The following KAZN variants were observed in gnomAD, a reference collection of about 807,000 sequenced individuals.
KAZN encodes the protein kazrin, periplakin interacting protein, also known as kazrin.
KAZN carries 40 observed loss-of-function variants against 87.4 expected under a neutral mutation model. The observed-to-expected ratio is 0.46, with a 90% confidence interval of 0.36 to 0.60. The LOEUF is 0.60. Ranked by LOEUF, KAZN falls within the 20% of genes least tolerant of loss-of-function variation. KAZN has a pLI of 0.00. For missense variants in KAZN, 898 were observed against 1,073.9 expected (o/e 0.84, Z 2.29); for synonymous variants, 466 against 458.3 (o/e 1.02, Z -0.22).
At chr1:14,242,019 T>C (rs1369684509) in intron 2 of KAZN, among the ~76,000 whole-genome samples, 3 of 152,216 alleles carry the variant, frequency 2.0e-5, no homozygotes, top group Non-Finnish European at 4.4e-5. Context: ...ATTTGCCTAA[T>C]TGGACCCTGT....
intron 2 of KAZN, among the ~76,000 whole-genome samples, chr1:14,325,472 C>T (rs1222591364): frequency 3.9e-5 from 6 of 152,126 alleles, no homozygotes; most frequent in Admixed American, 6.6e-5. Context: ...CATCACTGGA[C>T]ACAGCTGATC....
At chr1:15,078,005 A>G (rs1639835280) in intron 8 of KAZN, among the ~76,000 whole-genome samples, 2 of 152,196 alleles carry the variant, frequency 1.3e-5, no homozygotes, top group Non-Finnish European at 2.9e-5. Flanking sequence ...AGGGCTGAGG[A>G]TGCAGATGTG....
At chr1:15,055,903 C>G (rs1467852974) in intron 4 of KAZN, among the ~76,000 whole-genome samples, 188 bp from the exon 5 acceptor site, 1 of 152,222 alleles carries the variant, frequency 6.6e-6, no homozygotes, top group African/African-American at 2.4e-5. Flanking sequence ...ATGGGGAGAA[C>G]AACAGTTCCT....
At chr1:14,907,642 C>T (rs1055482223) in intron 1 of KAZN, among the ~76,000 whole-genome samples, 2 of 152,028 alleles carry the variant, frequency 1.3e-5, no homozygotes, top group Non-Finnish European at 2.9e-5. Context: ...GAGCTGCTTC[C>T]GGAAAGAAGT....
At chr1:14,673,794 C>T (rs1640060261) in intron 1 of KAZN, among the ~76,000 whole-genome samples, 2 of 152,188 alleles carry the variant, frequency 1.3e-5, no homozygotes, top group Admixed American at 6.5e-5. Flanking sequence ...CCTCCGTGTG[C>T]TTTCTCTTCC....
chr1:14,480,233 T>C (rs1668994760), intron 2 of KAZN, among the ~76,000 whole-genome samples: 1 of 152,250 alleles, frequency 6.6e-6, no homozygotes, highest in East Asian at 1.9e-4. Flanking sequence ...ACCTGTACTC[T>C]TGTAATCTGC....
intron 2 of KAZN, among the ~76,000 whole-genome samples, chr1:14,249,161 A>T (rs1649781039): frequency 6.6e-6 from 1 of 152,328 alleles, no homozygotes; most frequent in Middle Eastern, 3.4e-3. Flanking sequence ...GACCGACAGG[A>T]TCCATGAGCA....
At chr1:14,972,743 G>A (rs1232960191) in intron 2 of KAZN, among the ~76,000 whole-genome samples, 1 of 151,876 alleles carries the variant, frequency 6.6e-6, no homozygotes, top group African/African-American at 2.4e-5. Flanking sequence ...TCGAACTCCT[G>A]ACCTCAAGTG....
chr1:14,156,733 G>T (rs1645601180), intron 1 of KAZN, among the ~76,000 whole-genome samples: 1 of 152,080 alleles, frequency 6.6e-6, no homozygotes, highest in Non-Finnish European at 1.5e-5. Flanking sequence ...TGTCTTCATA[G>T]GTGAAGCATG....
At chr1:13,924,988 C>T (rs1261857798) in intron 1 of KAZN, among the ~76,000 whole-genome samples, 1 of 152,190 alleles carries the variant, frequency 6.6e-6, no homozygotes, top group Non-Finnish European at 1.5e-5. Flanking sequence ...AGTATATTCA[C>T]AGGTGTATGC....
At chr1:14,966,965 G>A (rs974630486) in intron 2 of KAZN, among the ~76,000 whole-genome samples, 26 of 152,176 alleles carry the variant, frequency 1.7e-4, no homozygotes, top group East Asian at 1.9e-4. Flanking sequence ...CACTGCACCC[G>A]GCCCCCGCAT....
intron 2 of KAZN, among the ~76,000 whole-genome samples, chr1:14,256,795 A>G (rs185957032): frequency 3.0e-3 from 453 of 152,200 alleles, no homozygotes; most frequent in Non-Finnish European, 5.5e-3. Flanking sequence ...AGGATAGTAA[A>G]CCTAAATTTA....
At chr1:14,253,369 G>A (rs1003602081) in intron 2 of KAZN, among the ~76,000 whole-genome samples, 1 of 152,194 alleles carries the variant, frequency 6.6e-6, no homozygotes, top group Non-Finnish European at 1.5e-5. Context: ...TATTTCTTCA[G>A]AATTTTGAAT....
Position 15,094,021 on chromosome 1 carries a change from G to A in KAZN, c.1223-159G>A, listed in dbSNP as rs1356671050. ...AGATTACTTTTGTAATGGGGGCAAGGGCAGAAAAACAAAAACGCCAAAAGC... is the reference window on the plus strand; with the variant it reads ...AGATTACTTTTGTAATGGGGGCAAGAGCAGAAAAACAAAAACGCCAAAAGC... On this transcript the variant is annotated intron_variant, in intron 8 of 14. Coordinates refer to ENST00000376030, the MANE Select transcript of KAZN (RefSeq NM_201628.3). This position sits in a 1 kb window ranked among gnomAD's most constrained non-coding sequence, Gnocchi z 4.5. 6.6e-6 allele frequency among the ~76,000 whole-genome samples: 1 copy of A among 152,126 alleles called. No individual in the cohort carries two copies. Among genetic ancestry groups the A allele is most frequent in the Non-Finnish European group, 1.5e-5 (1 of 68,028 alleles).
intron 2 of KAZN, among the ~76,000 whole-genome samples, chr1:14,330,773 T>C (rs961727227): frequency 6.6e-6 from 1 of 152,104 alleles, no homozygotes; most frequent in Non-Finnish European, 1.5e-5. Context: ...GTTGGTTATA[T>C]AGATTATGCT....
At chr1:14,535,697 A>T (rs866441010) in intron 2 of KAZN, among the ~76,000 whole-genome samples, 1 of 152,136 alleles carries the variant, frequency 6.6e-6, no homozygotes, top group Non-Finnish European at 1.5e-5. Flanking sequence ...AAATAAATTT[A>T]AAAAAGAAAC....
chr1:14,562,212 A>G (rs1674300738), intron 2 of KAZN, among the ~76,000 whole-genome samples: 1 of 152,222 alleles, frequency 6.6e-6, no homozygotes, highest in South Asian at 2.1e-4. Flanking sequence ...CTAATTTGGA[A>G]AAGGGTGAAT....
chr1:14,900,911 TGA>T (rs1304310141), intron 1 of KAZN, among the ~76,000 whole-genome samples: 50 of 152,188 alleles, frequency 3.3e-4, no homozygotes, highest in African/African-American at 1.2e-3. Flanking sequence ...GGGTTGGATA[TGA>T]TGCCCACTTG....
intron 1 of KAZN, among the ~76,000 whole-genome samples, chr1:14,111,069 A>G (rs573670872): frequency 7.4e-6 from 1 of 134,780 alleles, no homozygotes; most frequent in South Asian, 2.5e-4. Flanking sequence ...AAGTACATCA[A>G]TGTCCTGAAG....
Sources: gnomAD v4.1 joint callset for allele counts (sites outside exome capture counted in the v4.1 genomes callset) on GRCh38, gnomAD v4.1.1 for gene constraint, Gnocchi (gnomAD v3.1) non-coding constraint, MANE v1.5 for transcripts, NCBI Gene and HGNC (gene_info 2026-07-23, HGNC 2026-07-21) for gene names.